ELOVL5: variants seen among roughly 807,000 people sequenced by gnomAD.
ELOVL5 encodes the protein ELOVL fatty acid elongase 5, also known as very long chain fatty acid elongase 5.
A neutral mutation model predicts 38.6 loss-of-function variants in ELOVL5; 8 were observed. The ratio of observed to expected loss-of-function variants is 0.21; its 90% CI spans 0.12 to 0.37. The LOEUF (loss-of-function observed/expected upper bound fraction) is 0.37, where lower values mean the gene tolerates loss of function less well. Among genes scored for constraint, ELOVL5 ranks in the 10% least tolerant of loss-of-function variants. The probability of loss-of-function intolerance (pLI) is 1.00; values close to 1 mark genes in which losing one functional copy is unlikely to be tolerated. For synonymous variants in ELOVL5, 127 were observed against 133.7 expected, an observed-to-expected ratio of 0.95 and a Z score of 0.34; for missense variants, 280 against 367.8, an observed-to-expected ratio of 0.76 and a Z score of 1.95.
chr6:53,300,292 T>A lies in ELOVL5; in HGVS notation c.-8-4585A>T, dbSNP rs867590450. Among the ~76,000 whole-genome samples the A allele has an allele frequency of 2.2e-4, 33 of 152,168 alleles. 1 individual carries two copies. The highest frequency in any genetic ancestry group is 6.0e-4 in the African/African-American group (25 of 41,438). On this transcript the variant is annotated intron_variant, in intron 1 of 7. Transcript: ENST00000304434. ...TTTGTCAAGGCAGCCCCATAACTAG[T>A]GTCCCTCAATACCATGTACTCATTT...
In ELOVL5 at chr6:53,291,831, A is replaced by G; in HGVS notation, c.191T>C (p.Ile64Thr). The G allele has an allele frequency of 6.2e-7, 1 of 1,613,980 alleles. No individual in the cohort carries two copies. The highest frequency in any genetic ancestry group is 8.5e-7 in the Non-Finnish European group (1 of 1,179,956). Reference protein sequence around the residue: ...RNKQPFSCRGILVVYNLGLTL... With the variant: ...RNKQPFSCRGTLVVYNLGLTL... ...GAGTCCAAGGTTATACACCACTAAA[A>G]TCCCCCGGCAAGAGAATGGCTGTTT... is the stretch of plus-strand genomic sequence containing the variant. The change falls in exon 3 of 8, where the codon ATT (isoleucine) becomes ACT (threonine). Residue 64 changes from isoleucine (I) to threonine (T), a missense_variant. Ile to Thr is a moderately conservative substitution (Grantham distance 89). This residue lies in a region of ELOVL5 where 150 missense variants were observed against 178.0 expected (regional missense o/e 0.84). Transcript: ENST00000304434.
chr6:53,343,679 T>C (rs1301081057), intron 1 of ELOVL5, among the ~76,000 whole-genome samples: 1 of 152,226 alleles, frequency 6.6e-6, no homozygotes, highest in African/African-American at 2.4e-5. Flanking sequence ...GTTGATTTTC[T>C]TCAAGTTAGG....
rs70980840 is a variant in ELOVL5 at position 53,324,691 on chromosome 6, A to AAAAAAAAC, written c.-9+24125_-9+24126insGTTTTTTT. ...TCCTGTCAAAAAAAAAAAAAAAAAA[A>AAAAAAAAC]GGAAAAGAAATAGAATCAGGAAGGA... is the stretch of plus-strand genomic sequence containing the variant. On this transcript the variant is annotated intron_variant, in intron 1 of 7. Transcript: ENST00000304434. Among the ~76,000 whole-genome samples, 44 of 118,096 alleles carry AAAAAAAAC rather than the reference A, an allele frequency of 3.7e-4. 2 individuals carry two copies. Among genetic ancestry groups the AAAAAAAAC allele is most frequent in the South Asian group, 1.1e-3 (4 of 3,556 alleles). 77.5% of individuals were successfully genotyped at this position (118,096 alleles called of 152,430 possible). A position where few individuals can be genotyped will look rare whatever the true frequency, so the allele number is the denominator to read the frequency against.
In ELOVL5 at chr6:53,344,951, T is replaced by A. The variant is rs547021791; in HGVS notation, c.-9+3866A>T. On this transcript the variant is annotated intron_variant, in intron 1 of 7. Coordinates refer to ENST00000304434, the MANE Select transcript of ELOVL5 (RefSeq NM_021814.5). ...AAGTCAATTTAGTTTAATCCAATCATCCATTCGGTCCTTAAAACAGACGCT... is the reference window on the plus strand; with the variant it reads ...AAGTCAATTTAGTTTAATCCAATCAACCATTCGGTCCTTAAAACAGACGCT... Among the ~76,000 whole-genome samples the A allele has an allele frequency of 5.0e-4, 76 of 152,312 alleles. 1 individual carries two copies. The highest frequency in any genetic ancestry group is 1.7e-3 in the African/African-American group (70 of 41,564).
At chr6:53,284,954 T>G (rs890315230) in intron 3 of ELOVL5, among the ~76,000 whole-genome samples, 1 of 152,182 alleles carries the variant, frequency 6.6e-6, no homozygotes, top group Non-Finnish European at 1.5e-5. Flanking sequence ...AGACTTGCTG[T>G]TCCCCCTAAC....
At chr6:53,343,547 T>C (rs1340142745) in intron 1 of ELOVL5, among the ~76,000 whole-genome samples, 5 of 152,128 alleles carry the variant, frequency 3.3e-5, no homozygotes, top group Non-Finnish European at 7.4e-5. Flanking sequence ...ATGATCTCAC[T>C]TTCATTCTCT....
intron 1 of ELOVL5, among the ~76,000 whole-genome samples, chr6:53,330,067 C>T (rs1484975402): frequency 6.6e-6 from 1 of 152,102 alleles, no homozygotes; most frequent in South Asian, 2.1e-4. Flanking sequence ...TGTCACTGGG[C>T]GATTTCATCA....
At chr6:53,275,614 G>A (rs1766080657) in intron 4 of ELOVL5, among the ~76,000 whole-genome samples, 1 of 148,822 alleles carries the variant, frequency 6.7e-6, no homozygotes, top group Non-Finnish European at 1.5e-5. Context: ...ATTAGCAAAG[G>A]AAAACCATCT....
intron 6 of ELOVL5, 141 bp from the exon 7 acceptor site, chr6:53,270,868 G>C: frequency 3.6e-6 from 3 of 838,008 alleles, no homozygotes; most frequent in Non-Finnish European, 5.6e-6. Flanking sequence ...GTCACTTCAT[G>C]AACACAACAC....
rs182828546 is a variant in ELOVL5, at chr6:53,327,521, G to A, written c.-9+21296C>T. Among the ~76,000 whole-genome samples the A allele has an allele frequency of 5.0e-4, 76 of 152,240 alleles. 1 individual carries two copies. Among genetic ancestry groups the A allele is most frequent in the African/African-American group, 1.7e-3 (70 of 41,516 alleles). On this transcript the variant is annotated intron_variant, in intron 1 of 7. Coordinates refer to ENST00000304434, the MANE Select transcript of ELOVL5 (RefSeq NM_021814.5). ...ACAGAAAGCAGATGGGTGGTTGTCA[G>A]GGGCTCAGGAGAGGGGAGAATGGCA... is the stretch of plus-strand genomic sequence containing the variant.
intron 4 of ELOVL5, 114 bp downstream of exon 4, chr6:53,276,065 A>G (rs1766104006): frequency 1.5e-6 from 1 of 674,204 alleles, no homozygotes; most frequent in African/African-American, 1.8e-5. Context: ...TCTTTTAAAA[A>G]TATCAACAGG....
intron 7 of ELOVL5, among the ~76,000 whole-genome samples, chr6:53,269,557 C>A (rs1360329997): frequency 6.6e-6 from 1 of 152,056 alleles, no homozygotes; most frequent in African/African-American, 2.4e-5. Context: ...CTTTGCTTTG[C>A]CTTTTAGTAT....
intron 1 of ELOVL5, among the ~76,000 whole-genome samples, chr6:53,310,125 C>G (rs1767769583): frequency 6.6e-6 from 1 of 152,166 alleles, no homozygotes; most frequent in South Asian, 2.1e-4. Context: ...ATTAAGGCAC[C>G]AATTACAAGC....
At chr6:53,270,920 T>TA (rs1561860871) in intron 6 of ELOVL5, among the ~76,000 whole-genome samples, 193 bp from the exon 7 acceptor site, 2 of 152,232 alleles carry the variant, frequency 1.3e-5, no homozygotes, top group Non-Finnish European at 2.9e-5. Flanking sequence ...GTTTGTCTTA[T>TA]ATATATTCTT....
intron 3 of ELOVL5, among the ~76,000 whole-genome samples, chr6:53,289,074 C>A (rs1766678339): frequency 6.6e-6 from 1 of 152,028 alleles, no homozygotes; most frequent in South Asian, 2.1e-4. Flanking sequence ...AAAAACCCCG[C>A]TTCTTCCTGT....
At chr6:53,346,063 C>G (rs1382224181) in intron 1 of ELOVL5, among the ~76,000 whole-genome samples, 1 of 152,080 alleles carries the variant, frequency 6.6e-6, no homozygotes, top group Admixed American at 6.5e-5. Context: ...CCTCCCCTTG[C>G]CCCCCACCAC....
intron 1 of ELOVL5, among the ~76,000 whole-genome samples, chr6:53,311,746 G>C (rs1485735344): frequency 1.3e-5 from 2 of 152,142 alleles, no homozygotes; most frequent in African/African-American, 4.8e-5. Context: ...GGCCACAGAT[G>C]ATTCAATTCA....
intron 1 of ELOVL5, among the ~76,000 whole-genome samples, chr6:53,341,913 C>G (rs1769348654): frequency 6.6e-6 from 1 of 152,128 alleles, no homozygotes; most frequent in Non-Finnish European, 1.5e-5. Flanking sequence ...CTTCCAAGTT[C>G]TACATAGATT....
At chr6:53,305,036 C>T (rs1202326937) in intron 1 of ELOVL5, among the ~76,000 whole-genome samples, 3 of 150,212 alleles carry the variant, frequency 2.0e-5, no homozygotes, top group African/African-American at 4.9e-5. Context: ...CCGGACGGGG[C>T]GGCTGGCCGG....
Sources: gnomAD v4.1 joint callset for allele counts (sites outside exome capture counted in the v4.1 genomes callset) on GRCh38, gnomAD v4.1.1 for gene constraint, gnomAD v4.1.1 regional missense constraint, MANE v1.5 for transcripts, NCBI Gene and HGNC (gene_info 2026-07-23, HGNC 2026-07-21) for gene names.